C8orf82: variants seen among roughly 807,000 people sequenced by gnomAD.
The protein encoded by C8orf82 is chromosome 8 open reading frame 82.
In C8orf82, 24 loss-of-function variants were observed where a neutral mutation model predicts 15.0. The observed-to-expected ratio is 1.60, with a 90% CI of 1.16 to 2.24. The LOEUF (loss-of-function observed/expected upper bound fraction) is 2.24. C8orf82 is among the 30% of genes most tolerant of loss of function. The pLI is 0.00. For missense variants in C8orf82, 388 were observed against 317.4 expected, an observed-to-expected ratio of 1.22 and a Z score of -1.69; for synonymous variants, 205 against 152.2, an observed-to-expected ratio of 1.35 and a Z score of -2.55.
rs780172603 is a variant in C8orf82 at position 144,525,783 on chromosome 8, G to A, written c.*1559C>T. The A allele has an allele frequency of 7.9e-5, 12 of 152,182 alleles. No homozygotes were observed. Among genetic ancestry groups the A allele is most frequent in the Non-Finnish European group, 1.5e-5 (1 of 68,032 alleles). The allele number at this position is 152,182 out of a possible 1,614,324, so 9.4% of individuals were successfully genotyped here. On this transcript the variant is annotated 3_prime_UTR_variant, in exon 3 of 3. Coordinates refer to ENST00000524821, the MANE Select transcript of C8orf82 (RefSeq NM_001001795.2). ...GGTGTCCTGTCTTTGGGGATAGATG[G>A]GGCCCTGGGAAAGCTGGGGTGGGAC...
In C8orf82 at chr8:144,527,710, G is replaced by A. The variant is rs753628038; in HGVS notation, c.283C>T (p.Leu95Phe). ...SGRYEAAFPF[L>F]SPCGRERNFL... ...TTGCGCTCTCTGCCGCAGGGCGAGA[G>A]GAAGGGGAAAGCGGCCTCGTAGCGC... is the stretch of plus-strand genomic sequence containing the variant. Residue 95 changes from leucine to phenylalanine, a missense_variant, in exon 3 of 3, where the codon CTC becomes TTC. Leu to Phe is a conservative substitution (Grantham distance 22). Transcript: ENST00000524821. 8.2e-6 allele frequency: 13 copies of A among 1,589,226 alleles called. No homozygotes were observed. The highest frequency in any genetic ancestry group is 3.4e-5 in the Admixed American group (2 of 58,842).
In C8orf82 at chr8:144,528,746, C is replaced by T. The variant is rs1816500937; in HGVS notation, c.156+15G>A. 2.9e-6 allele frequency: 4 copies of T among 1,363,900 alleles called. No homozygotes were observed. Among genetic ancestry groups the T allele is most frequent in the Non-Finnish European group, 3.8e-6 (4 of 1,052,684 alleles). The allele number at this position is 1,363,900 out of a possible 1,614,324, so 84.5% of individuals were successfully genotyped here. On this transcript the variant is annotated intron_variant, in intron 1 of 2. Transcript: ENST00000524821. ...CCGGCCCCGCCTCTCGAGCAACGGC[C>T]CTGCCCCCGCCCACCTGGCCCTGGT... is the stretch of plus-strand genomic sequence containing the variant.
intron 1 of C8orf82, 85 bp from the exon 2 acceptor site, chr8:144,528,157 C>T: frequency 3.2e-6 from 5 of 1,567,126 alleles, no homozygotes; most frequent in Non-Finnish European, 4.3e-6. Context: ...CTCGGGAGGT[C>T]CTGAACCGGC....
At position 144,526,158 on chromosome 8, in the gene C8orf82, G is replaced by A. The variant is rs1816352204; in HGVS notation, c.*1184C>T. 6.6e-6 allele frequency: 1 copy of A among 152,294 alleles called. No individual in the cohort carries two copies. Among genetic ancestry groups the A allele is most frequent in the African/African-American group, 2.4e-5 (1 of 41,554 alleles). The allele number at this position is 152,294 out of a possible 1,614,324, so 9.4% of individuals were successfully genotyped here. ...GAAAGGGACAGGACCAAGTGGCCTT[G>A]GTGTTTAAATCTTGCCCTAAATTGT... is the stretch of plus-strand genomic sequence containing the variant. On this transcript the variant is annotated 3_prime_UTR_variant, in exon 3 of 3. Coordinates refer to ENST00000524821, the MANE Select transcript of C8orf82 (RefSeq NM_001001795.2).
In C8orf82 at chr8:144,526,104, A is replaced by G. The variant is rs1431510734; in HGVS notation, c.*1238T>C. 4 of 152,244 alleles carry G rather than the reference A, an allele frequency of 2.6e-5. No homozygotes were observed. The highest frequency in any genetic ancestry group is 5.9e-5 in the Non-Finnish European group (4 of 68,058). The allele number at this position is 152,244 out of a possible 1,614,324, so 9.4% of individuals were successfully genotyped here. ...GGCCTCCCCAAACATTTGCCTGTCCATCAGCTCTTCCTCCTTTCGAGTCAT... is the reference window on the plus strand; with the variant it reads ...GGCCTCCCCAAACATTTGCCTGTCCGTCAGCTCTTCCTCCTTTCGAGTCAT... On this transcript the variant is annotated 3_prime_UTR_variant, in exon 3 of 3. Transcript: ENST00000524821.
In C8orf82 at chr8:144,527,298, G is replaced by T; in HGVS notation, c.*44C>A. ...CGGGGCGTGGAGTCCCGGGGGAGCG[G>T]GGCGAGAGGCGCCCGCGGCCTCCCG... On this transcript the variant is annotated 3_prime_UTR_variant, in exon 3 of 3. Transcript: ENST00000524821. 1.8e-6 allele frequency: 2 copies of T among 1,140,388 alleles called. No homozygotes were observed. The highest frequency in any genetic ancestry group is 2.2e-6 in the Non-Finnish European group (2 of 923,892). 70.6% of individuals were successfully genotyped at this position (1,140,388 alleles called of 1,614,324 possible).
chr8:144,526,807 T>C lies in C8orf82; in HGVS notation c.*535A>G, dbSNP rs763622754. ...TGCTACCCACGAGAGCCGGTTGATT[T>C]TCGGCCGGGCTCAGGGAGGGCGTGG... On this transcript the variant is annotated 3_prime_UTR_variant, in exon 3 of 3. Coordinates refer to ENST00000524821, the MANE Select transcript of C8orf82 (RefSeq NM_001001795.2). 6.6e-6 allele frequency: 1 copy of C among 152,248 alleles called. No homozygotes were observed. Among genetic ancestry groups the C allele is most frequent in the Admixed American group, 6.5e-5 (1 of 15,290 alleles). The allele number at this position is 152,248 out of a possible 1,614,324, so 9.4% of individuals were successfully genotyped here.
Position 144,527,589 on chromosome 8 carries a change from G to A in C8orf82, c.404C>T (p.Ala135Val), listed in dbSNP as rs374358931. 506 of 1,511,702 alleles carry A rather than the reference G, an allele frequency of 3.3e-4. 2 individuals carry two copies. The African/African-American group carries it at 6.4e-3, about 19-fold the overall frequency. The allele number at this position is 1,511,702 out of a possible 1,614,324, so 93.6% of individuals were successfully genotyped here. A position where few individuals can be genotyped will look rare whatever the true frequency, so the allele number is the denominator to read the frequency against. Reference protein sequence around the residue: ...PRLSYCGGGEALAVPFEPARL... With the variant: ...PRLSYCGGGEVLAVPFEPARL... ...CGCCGGCTCGAAGGGCACGGCCAGG[G>A]CCTCGCCACCGCCGCAGTAGGAGAG... Residue 135 changes from alanine to valine, a missense_variant, in exon 3 of 3, where the codon GCC (alanine) becomes GTC (valine). Coordinates refer to ENST00000524821, the MANE Select transcript of C8orf82 (RefSeq NM_001001795.2).
rs1816524171 is a variant in C8orf82 at position 144,529,014 on chromosome 8, G to A, written c.-98C>T. 7.9e-7 allele frequency: 1 copy of A among 1,266,576 alleles called. No homozygotes were observed. The highest frequency in any genetic ancestry group is 1.9e-5 in the South Asian group (1 of 52,962). 78.5% of individuals were successfully genotyped at this position (1,266,576 alleles called of 1,614,324 possible). On this transcript the variant is annotated 5_prime_UTR_variant, in exon 1 of 3. Coordinates refer to ENST00000524821, the MANE Select transcript of C8orf82 (RefSeq NM_001001795.2). ...GTAGCCCCGCGCTTCGCGTTCCGGCGGCGCCCGCCTCCGCGACCCGGGCCC... is the reference window on the plus strand; with the variant it reads ...GTAGCCCCGCGCTTCGCGTTCCGGCAGCGCCCGCCTCCGCGACCCGGGCCC...
At position 144,527,457 on chromosome 8, in the gene C8orf82, C is replaced by A. The variant is rs1227797644; in HGVS notation, c.536G>T (p.Cys179Phe). Residue 179 changes from cysteine to phenylalanine, a missense_variant, in exon 3 of 3, where the codon TGC becomes TTC. Coordinates refer to ENST00000524821, the MANE Select transcript of C8orf82 (RefSeq NM_001001795.2). Reference sequence around the variant, plus strand: ...AGGCGCGCCGGGCCCGTACTCGAAGCAGGCGCTGAGCTCGAAGGCCAGGGC... The same window carrying A: ...AGGCGCGCCGGGCCCGTACTCGAAGAAGGCGCTGAGCTCGAAGGCCAGGGC... ...RSALAFELSACFEYGPGAPAL... is the reference protein window; with the variant it reads ...RSALAFELSAFFEYGPGAPAL... 3 of 1,245,030 alleles carry A rather than the reference C, an allele frequency of 2.4e-6. No individual in the cohort carries two copies. The highest frequency in any genetic ancestry group is 7.6e-5 in the East Asian group (2 of 26,172). The allele number at this position is 1,245,030 out of a possible 1,614,324, so 77.1% of individuals were successfully genotyped here.
chr8:144,527,222 C>A lies in C8orf82; in HGVS notation c.*120G>T, dbSNP rs576057161. ...GGACAGCGCCGGGTGGGGGCGGGGC[C>A]GAGCGCGCAGGCGCACTAGGCTGCC... On this transcript the variant is annotated 3_prime_UTR_variant, in exon 3 of 3. Transcript: ENST00000524821. 3 of 660,744 alleles carry A rather than the reference C, an allele frequency of 4.5e-6. No homozygotes were observed. The highest frequency in any genetic ancestry group is 1.9e-5 in the African/African-American group (1 of 51,336). 40.9% of individuals were successfully genotyped at this position (660,744 alleles called of 1,614,324 possible). A position where few individuals can be genotyped will look rare whatever the true frequency, so the allele number is the denominator to read the frequency against.
Position 144,527,412 on chromosome 8 carries a change from C to A in C8orf82, c.581G>T (p.Arg194Leu), listed in dbSNP as rs1470036794. The change falls in exon 3 of 3, where the codon CGC (arginine) becomes CTC (leucine). Residue 194 changes from arginine to leucine, a missense_variant. Physicochemically the swap from Arg to Leu is moderately radical, Grantham distance 102. Transcript: ENST00000524821. ...GAGGGCGAGGCGGCGGCCCTGCCAGCGCACGTGCGAGGGCAGCGCAGGCGC... is the reference window on the plus strand; with the variant it reads ...GAGGGCGAGGCGGCGGCCCTGCCAGAGCACGTGCGAGGGCAGCGCAGGCGC... ...PGAPALPSHV[R>L]WQGRRLALTM... The A allele has an allele frequency of 8.0e-7, 1 of 1,242,708 alleles. No homozygotes were observed. The highest frequency in any genetic ancestry group is 1.0e-6 in the Non-Finnish European group (1 of 989,558). 77.0% of individuals were successfully genotyped at this position (1,242,708 alleles called of 1,614,324 possible). A position where few individuals can be genotyped will look rare whatever the true frequency, so the allele number is the denominator to read the frequency against.
Position 144,527,697 on chromosome 8 carries a change from C to T in C8orf82, c.296G>A (p.Gly99Asp), listed in dbSNP as rs1273848693. Residue 99 changes from glycine to aspartate, a missense_variant, in exon 3 of 3, where the codon GGC (glycine) becomes GAC (aspartate). Physicochemically the swap from Gly to Asp is moderately conservative, Grantham distance 94. Coordinates refer to ENST00000524821, the MANE Select transcript of C8orf82 (RefSeq NM_001001795.2). Reference sequence around the variant, plus strand: ...GCAGCGCAGGAAGTTGCGCTCTCTGCCGCAGGGCGAGAGGAAGGGGAAAGC... The same window carrying T: ...GCAGCGCAGGAAGTTGCGCTCTCTGTCGCAGGGCGAGAGGAAGGGGAAAGC... ...EAAFPFLSPCGRERNFLRCED... is the reference protein window; with the variant it reads ...EAAFPFLSPCDRERNFLRCED... 2 of 1,582,628 alleles carry T rather than the reference C, an allele frequency of 1.3e-6. No homozygotes were observed. Among genetic ancestry groups the T allele is most frequent in the Admixed American group, 1.7e-5 (1 of 57,652 alleles).
rs1223669947 is a variant in C8orf82 at position 144,527,471 on chromosome 8, G to A, written c.522C>T (p.Phe174=). The change falls in exon 3 of 3, where the codon TTC becomes TTT. Residue 174 remains phenylalanine, a synonymous_variant. Transcript: ENST00000524821. ...GVGLVRSALA[F]ELSACFEYGP... ...CGTACTCGAAGCAGGCGCTGAGCTCGAAGGCCAGGGCGGAGCGCACCAGGC... is the reference window on the plus strand; with the variant it reads ...CGTACTCGAAGCAGGCGCTGAGCTCAAAGGCCAGGGCGGAGCGCACCAGGC... The A allele has an allele frequency of 4.0e-6, 5 of 1,248,162 alleles. No homozygotes were observed. The highest frequency in any genetic ancestry group is 3.2e-4 in the Middle Eastern group (1 of 3,128). The allele number at this position is 1,248,162 out of a possible 1,614,324, so 77.3% of individuals were successfully genotyped here.
Position 144,527,600 on chromosome 8 carries a change from G to A in C8orf82, c.393C>T (p.Gly131=), listed in dbSNP as rs1184953601. The A allele has an allele frequency of 6.6e-7, 1 of 1,517,526 alleles. No homozygotes were observed. The highest frequency in any genetic ancestry group is 8.8e-7 in the Non-Finnish European group (1 of 1,137,192). 94.0% of individuals were successfully genotyped at this position (1,517,526 alleles called of 1,614,324 possible). Residue 131 remains glycine (G), a synonymous_variant, in exon 3 of 3, where the codon GGC becomes GGT. Coordinates refer to ENST00000524821, the MANE Select transcript of C8orf82 (RefSeq NM_001001795.2). ...AGGGCACGGCCAGGGCCTCGCCACC[G>A]CCGCAGTAGGAGAGGCGCGGAGGCC... ...DHGPPRLSYC[G]GGEALAVPFE... is the part of the protein sequence containing the mutation.
At chr8:144,528,579 A>G in intron 1 of C8orf82, 182 bp downstream of exon 1, 2 of 1,211,402 alleles carry the variant, frequency 1.7e-6, no homozygotes, top group Non-Finnish European at 2.2e-6. Flanking sequence ...GCTCTCCTCC[A>G]GCTCTGAGGA....
chr8:144,528,418 G>GGCGGCCCGGGTGTCTCCCTGGCA, intron 1 of C8orf82: 2 of 1,490,370 alleles, frequency 1.3e-6, no homozygotes, highest in Non-Finnish European at 1.8e-6. Flanking sequence ...AAAAAGGCAG[G>GGCGGCCCGGGTGTCTCCCTGGCA]GCGGCCCGGG....
Position 144,527,123 on chromosome 8 carries a change from C to T in C8orf82, c.*219G>A, listed in dbSNP as rs1816393578. ...GAGCGCAGGCCAATCCGGAGGGCGCCGGAGTCGGGTGCGCGGGGGGCGCGC... is the reference window on the plus strand; with the variant it reads ...GAGCGCAGGCCAATCCGGAGGGCGCTGGAGTCGGGTGCGCGGGGGGCGCGC... On this transcript the variant is annotated 3_prime_UTR_variant, in exon 3 of 3. Transcript: ENST00000524821. 4.8e-6 allele frequency: 1 copy of T among 209,582 alleles called. No individual in the cohort carries two copies. Among genetic ancestry groups the T allele is most frequent in the African/African-American group, 2.3e-5 (1 of 42,652 alleles). The allele number at this position is 209,582 out of a possible 1,614,324, so 13.0% of individuals were successfully genotyped here.
At position 144,528,510 on chromosome 8, in the gene C8orf82, G is replaced by A. The variant is rs773367010; in HGVS notation, c.156+251C>T. 16 of 1,417,144 alleles carry A rather than the reference G, an allele frequency of 1.1e-5. No homozygotes were observed. The South Asian group carries it at 2.2e-4, about 19-fold the overall frequency. 87.8% of individuals were successfully genotyped at this position (1,417,144 alleles called of 1,614,324 possible). A position where few individuals can be genotyped will look rare whatever the true frequency, so the allele number is the denominator to read the frequency against. ...GTCCGAAGCTGCACAACGCAGCAGG[G>A]ACGCGGCCCATGTAGGAGCCTCGGC... is the stretch of plus-strand genomic sequence containing the variant. On this transcript the variant is annotated intron_variant, in intron 1 of 2. Transcript: ENST00000524821.
Sources: allele counts gnomAD v4.1 joint callset, GRCh38; gene constraint gnomAD v4.1.1; transcripts MANE v1.5; gene names NCBI Gene and HGNC (gene_info 2026-07-23, HGNC 2026-07-21).